NCKAP1: variants seen among roughly 807,000 people sequenced by gnomAD.
NCKAP1 encodes the protein NCK associated protein 1, also known as nck-associated protein 1.
NCKAP1 carries 21 observed loss-of-function variants against 151.2 expected under a neutral mutation model. That is an observed-to-expected ratio of 0.14 (90% CI 0.10 to 0.20). The LOEUF is 0.20. NCKAP1 is among the 10% of genes least tolerant of loss of function. The pLI is 1.00. For synonymous variants in NCKAP1, 484 were observed against 451.8 expected, an observed-to-expected ratio of 1.07 and a Z score of -0.90; for missense variants, 933 against 1,352.1, an observed-to-expected ratio of 0.69 and a Z score of 4.86.
intron 6 of NCKAP1, 58 bp downstream of exon 6, chr2:183,001,895 C>CGA: frequency 7.1e-7 from 1 of 1,416,688 alleles, no homozygotes; most frequent in Non-Finnish European, 9.9e-7. Flanking sequence ...ATCCAACCAT[C>CGA]CATCCTCATG....
At chr2:182,959,724 G>A (rs1697402920) in intron 18 of NCKAP1, among the ~76,000 whole-genome samples, 1 of 152,174 alleles carries the variant, frequency 6.6e-6, no homozygotes, top group Admixed American at 6.5e-5. Flanking sequence ...CACAGTGTTG[G>A]AAGTTCTGGC....
At position 182,919,676 on chromosome 2, in the gene NCKAP1, G is replaced by C. The variant is rs1413423751; in HGVS notation, c.*6026C>G. ...TATAATTTTTTTTTTTTTTGAGACAGAGTCTTGTTCTGTTGCCCAGGCTGG... is the reference window on the plus strand; with the variant it reads ...TATAATTTTTTTTTTTTTTGAGACACAGTCTTGTTCTGTTGCCCAGGCTGG... On this transcript the variant is annotated 3_prime_UTR_variant, in exon 31 of 31. Transcript: ENST00000361354. The C allele has an allele frequency of 1.3e-5, 2 of 148,544 alleles. No individual in the cohort carries two copies. Among genetic ancestry groups the C allele is most frequent in the Non-Finnish European group, 3.0e-5 (2 of 67,458 alleles). The allele number at this position is 148,544 out of a possible 1,614,324, so 9.2% of individuals were successfully genotyped here.
intron 1 of NCKAP1, chr2:183,025,061 T>C (rs1316350873): frequency 1.3e-6 from 2 of 1,504,472 alleles, no homozygotes; most frequent in South Asian, 1.2e-5. Flanking sequence ...AACTATGATA[T>C]ACGTTTCAGA....
At position 182,917,920 on chromosome 2, in the gene NCKAP1, AC is replaced by A. The variant is rs920439578; in HGVS notation, c.*7781del. 2.0e-5 allele frequency: 3 copies of A among 152,172 alleles called. No individual in the cohort carries two copies. Among genetic ancestry groups the A allele is most frequent in the Non-Finnish European group, 4.4e-5 (3 of 68,024 alleles). The allele number at this position is 152,172 out of a possible 1,614,324, so 9.4% of individuals were successfully genotyped here. ...GTGAAGAAGCAAAGAAGCAACTTAG[AC>A]CCATGAAGGCCAGAAAGTGGGCATA... On this transcript the variant is annotated 3_prime_UTR_variant, in exon 31 of 31. Coordinates refer to ENST00000361354, the MANE Select transcript of NCKAP1 (RefSeq NM_013436.5).
intron 2 of NCKAP1, among the ~76,000 whole-genome samples, chr2:183,005,692 C>A (rs1698458313): frequency 6.6e-6 from 1 of 151,990 alleles, no homozygotes; most frequent in Non-Finnish European, 1.5e-5. Context: ...GCTTTCAAGG[C>A]CCTCCACAAT....
intron 13 of NCKAP1, among the ~76,000 whole-genome samples, chr2:182,980,413 G>C (rs1363795730): frequency 6.6e-6 from 1 of 151,972 alleles, no homozygotes; most frequent in Non-Finnish European, 1.5e-5. Context: ...AGCAGCTTTA[G>C]AGAAGTCTTT....
At chr2:182,992,544 A>G (rs891539986) in intron 8 of NCKAP1, among the ~76,000 whole-genome samples, 13 of 152,198 alleles carry the variant, frequency 8.5e-5, no homozygotes, top group Admixed American at 7.9e-4. Context: ...TAAGCACAAA[A>G]CAACTAATAA....
intron 1 of NCKAP1, among the ~76,000 whole-genome samples, chr2:183,026,919 T>A (rs1326609541): frequency 2.0e-5 from 3 of 152,244 alleles, no homozygotes; most frequent in African/African-American, 7.2e-5. Context: ...ATAGTAATCA[T>A]AGTAACAGTC....
rs1696498818 is a variant in NCKAP1, at chr2:182,918,468, TGTG to T, written c.*7231_*7233del. ...CTGACCAATGAGTGGACAAAGAAAG[TGTG>T]GTATATATACACACCACGGAATACT... On this transcript the variant is annotated 3_prime_UTR_variant, in exon 31 of 31. Transcript: ENST00000361354. 6.6e-6 allele frequency: 1 copy of T among 152,276 alleles called. No individual in the cohort carries two copies. Among genetic ancestry groups the T allele is most frequent in the South Asian group, 2.1e-4 (1 of 4,828 alleles). The allele number at this position is 152,276 out of a possible 1,614,324, so 9.4% of individuals were successfully genotyped here.
rs1047246972 is a variant in NCKAP1, at chr2:182,918,837, T to A, written c.*6865A>T. The A allele has an allele frequency of 3.3e-5, 5 of 152,196 alleles. No homozygotes were observed. Among genetic ancestry groups the A allele is most frequent in the Admixed American group, 2.6e-4 (4 of 15,278 alleles). 9.4% of individuals were successfully genotyped at this position (152,196 alleles called of 1,614,324 possible). ...CACTGTACCCTAAAAGCTATTCAAA[T>A]TTTTAAAACATTAATTAAAAAATGC... On this transcript the variant is annotated 3_prime_UTR_variant, in exon 31 of 31. Transcript: ENST00000361354.
chr2:182,979,387 G>A (rs1426950178), intron 13 of NCKAP1, among the ~76,000 whole-genome samples: 2 of 152,050 alleles, frequency 1.3e-5, no homozygotes, highest in African/African-American at 4.8e-5. Context: ...TTTGTTGTCT[G>A]TATGTTAGGC....
At chr2:182,998,569 C>A (rs935739877) in intron 6 of NCKAP1, among the ~76,000 whole-genome samples, 2 of 151,924 alleles carry the variant, frequency 1.3e-5, no homozygotes, top group African/African-American at 4.8e-5. Flanking sequence ...GTGGCTCATA[C>A]CTATAATCTC....
chr2:182,972,139 T>C (rs907715662), intron 15 of NCKAP1, among the ~76,000 whole-genome samples: 4 of 135,780 alleles, frequency 2.9e-5, no homozygotes, highest in Non-Finnish European at 4.6e-5. Flanking sequence ...AGACAACCTA[T>C]AGAATGAGAG....
At chr2:183,014,920 C>G (rs1310676678) in intron 2 of NCKAP1, among the ~76,000 whole-genome samples, 1 of 152,156 alleles carries the variant, frequency 6.6e-6, no homozygotes, top group East Asian at 1.9e-4. Context: ...ACCACTGCAG[C>G]CAAATGGACC....
At position 182,917,931 on chromosome 2, in the gene NCKAP1, C is replaced by T. The variant is rs986700461; in HGVS notation, c.*7771G>A. The T allele has an allele frequency of 2.0e-5, 3 of 152,042 alleles. No homozygotes were observed. Among genetic ancestry groups the T allele is most frequent in the African/African-American group, 7.2e-5 (3 of 41,390 alleles). The allele number at this position is 152,042 out of a possible 1,614,324, so 9.4% of individuals were successfully genotyped here. A position where few individuals can be genotyped will look rare whatever the true frequency, so the allele number is the denominator to read the frequency against. ...AAGAAGCAACTTAGACCCATGAAGG[C>T]CAGAAAGTGGGCATAGTGTCCCCAA... On this transcript the variant is annotated 3_prime_UTR_variant, in exon 31 of 31. Coordinates refer to ENST00000361354, the MANE Select transcript of NCKAP1 (RefSeq NM_013436.5).
rs77948105 is a variant in NCKAP1 at position 182,950,785 on chromosome 2, C to T, written c.2601+1620G>A. Among the ~76,000 whole-genome samples the T allele has an allele frequency of 5.2e-3, 799 of 152,218 alleles. 5 individuals are homozygous for T. Among genetic ancestry groups the T allele is most frequent in the African/African-American group, 0.018 (732 of 41,532 alleles). The stretch of plus-strand genomic sequence containing the variant: ...CTTAAACATTTGTCCGAAATCAAAG[C>T]TTGTAAGTGACAGGTCTGAAATTCA... On this transcript the variant is annotated intron_variant, in intron 23 of 30. Coordinates refer to ENST00000361354, the MANE Select transcript of NCKAP1 (RefSeq NM_013436.5).
Position 182,930,602 on chromosome 2 carries a change from G to A in NCKAP1, c.2953+93C>T, listed in dbSNP as rs1307052401. ...AATTTAAAAAGCTGAACACAAAGCA[G>A]GCATTTGAATATATGGTTAAATATC... On this transcript the variant is annotated intron_variant, in intron 27 of 30. Coordinates refer to ENST00000361354, the MANE Select transcript of NCKAP1 (RefSeq NM_013436.5). The A allele has an allele frequency of 3.2e-6, 3 of 925,172 alleles. No homozygotes were observed. The South Asian group carries it at 4.6e-5, about 14-fold the overall frequency. The allele number at this position is 925,172 out of a possible 1,614,324, so 57.3% of individuals were successfully genotyped here.
intron 28 of NCKAP1, among the ~76,000 whole-genome samples, chr2:182,928,429 G>A (rs1696691770): frequency 6.6e-6 from 1 of 152,080 alleles, no homozygotes; most frequent in Admixed American, 6.6e-5. Context: ...AAACGATCGT[G>A]TATATGTTAA....
chr2:182,986,100 C>T (rs1698050987), intron 10 of NCKAP1, 71 bp downstream of exon 10: 2 of 1,385,404 alleles, frequency 1.4e-6, no homozygotes, highest in Non-Finnish European at 2.0e-6. Flanking sequence ...AATCTGTACT[C>T]ACTTCAACAA....
Sources: allele counts gnomAD v4.1 joint callset (sites outside exome capture counted in the v4.1 genomes callset), GRCh38; gene constraint gnomAD v4.1.1; transcripts MANE v1.5; gene names NCBI Gene and HGNC (gene_info 2026-07-23, HGNC 2026-07-21).